Variants in SPTBN5 observed in about 807,000 individuals in gnomAD.
The protein encoded by SPTBN5 is spectrin beta chain, non-erythrocytic 5.
A neutral mutation model predicts 477.6 loss-of-function variants in SPTBN5; 513 were observed. The ratio of observed to expected loss-of-function variants is 1.07; its 90% CI spans 1.00 to 1.16. The LOEUF (loss-of-function observed/expected upper bound fraction) is 1.16, where lower values mean the gene tolerates loss of function less well. Ranked by LOEUF, SPTBN5 falls within the 50% of genes most tolerant of loss-of-function variation. The pLI is 0.00. For missense variants in SPTBN5, 5,062 were observed against 4,731.8 expected (o/e 1.07, Z -2.05); for synonymous variants, 2,169 against 2,011.7 (o/e 1.08, Z -2.09).
In SPTBN5 at chr15:41,868,100, C is replaced by T; in HGVS notation, c.6176G>A (p.Gly2059Asp). The change falls in exon 34 of 68, where the codon GGC (glycine) becomes GAC (aspartate). Residue 2059 changes from glycine (G) to aspartate (D), a missense_variant. Transcript: ENST00000320955. ...QQEQLFLREC[G>D]RLEEILAAQE... ...GGCCGCGAGGATCTCCTCCAGGCGG[C>T]CGCACTCTCTGAGGAAGAGCTGCTC... is the stretch of plus-strand genomic sequence containing the variant. 1 of 1,603,864 alleles carries T rather than the reference C, an allele frequency of 6.2e-7. No individual in the cohort carries two copies. Among genetic ancestry groups the T allele is most frequent in the Middle Eastern group, 2.0e-4 (1 of 5,098 alleles).
At chr15:41,864,340 G>A (rs1252838219) in intron 39 of SPTBN5, among the ~76,000 whole-genome samples, 4 of 152,020 alleles carry the variant, frequency 2.6e-5, no homozygotes, top group Admixed American at 1.3e-4. Context: ...CTCTTGAGAC[G>A]GAGTCTCCCT....
chr15:41,893,432 G>A lies in SPTBN5; in HGVS notation c.66C>T (p.Pro22=), dbSNP rs2067376025. ...TGGGCGGGACCCGGAGTTCTGTGCT[G>A]GGCCTCCTGCTGCGGTGCCCTGCAG... The part of the protein sequence containing the change: ...LGAAGHRSRR[P]STELRVPPSP... The change falls in exon 2 of 68, where the codon CCC becomes CCT. Residue 22 remains proline, a synonymous_variant. Transcript: ENST00000320955. 6.8e-6 allele frequency: 11 copies of A among 1,612,206 alleles called. No individual in the cohort carries two copies. The highest frequency in any genetic ancestry group is 1.7e-5 in the Admixed American group (1 of 59,946).
Position 41,870,237 on chromosome 15 carries a change from G to A in SPTBN5, c.5673+6C>T. On this transcript the variant is annotated splice_donor_region_variant and intron_variant, in intron 31 of 67. Transcript: ENST00000320955. ...CTGGGTCGGAGAGGCAGCCAGCTGG[G>A]CTCACCTGCCGCTCGGTGCCCACGA... 7 of 1,547,190 alleles carry A rather than the reference G, an allele frequency of 4.5e-6. No homozygotes were observed. The highest frequency in any genetic ancestry group is 6.1e-6 in the Non-Finnish European group (7 of 1,146,018).
At chr15:41,891,572 T>C (rs1361665627) in intron 3 of SPTBN5, among the ~76,000 whole-genome samples, 1 of 152,182 alleles carries the variant, frequency 6.6e-6, no homozygotes, top group African/African-American at 2.4e-5. Context: ...CGCCATAGGA[T>C]CAGCGAATAC....
chr15:41,882,243 AC>A, intron 11 of SPTBN5, 25 bp downstream of exon 11: 1 of 153,702 alleles, frequency 6.5e-6, no homozygotes, highest in Non-Finnish European at 8.9e-6. Flanking sequence ...CCCCGCCCCC[AC>A]CCCGCCTCCA....
chr15:41,851,471 G>T lies in SPTBN5; in HGVS notation c.10657-102C>A, dbSNP rs28626380. ...GTGTGTGGAGCTTCCCAGGAAAAGCGGTGGATTGGACCAAAGTCCCAATGG... is the reference window on the plus strand; with the variant it reads ...GTGTGTGGAGCTTCCCAGGAAAAGCTGTGGATTGGACCAAAGTCCCAATGG... On this transcript the variant is annotated intron_variant, in intron 63 of 67. Transcript: ENST00000320955. The T allele has an allele frequency of 0.01, 9,367 of 894,754 alleles. 628 individuals carry two copies. In the African/African-American group the frequency reaches 0.14, roughly 14 times the overall value. 55.4% of individuals were successfully genotyped at this position (894,754 alleles called of 1,614,324 possible). A position where few individuals can be genotyped will look rare whatever the true frequency, so the allele number is the denominator to read the frequency against.
In SPTBN5 at chr15:41,856,956, G is replaced by C. The variant is rs2065943914; in HGVS notation, c.8705C>G (p.Ala2902Gly). ...CTGCACCCAGGCCATTTCCTCGTCG[G>C]CGTCCCTGAAGAACTTCAAGAGGAG... Reference protein sequence around the residue: ...RSLLLKFFRDADEEMAWVQEK... With the variant: ...RSLLLKFFRDGDEEMAWVQEK... The change falls in exon 52 of 68, where the codon GCC becomes GGC. Residue 2902 changes from alanine to glycine, a missense_variant. Coordinates refer to ENST00000320955, the MANE Select transcript of SPTBN5 (RefSeq NM_016642.4). The C allele has an allele frequency of 6.3e-7, 1 of 1,592,468 alleles. No individual in the cohort carries two copies. Among genetic ancestry groups the C allele is most frequent in the Non-Finnish European group, 8.5e-7 (1 of 1,170,230 alleles).
In SPTBN5 at chr15:41,879,142, A is replaced by G. The variant is rs920456566; in HGVS notation, c.3182+118T>C. 2.4e-6 allele frequency: 3 copies of G among 1,240,112 alleles called. No individual in the cohort carries two copies. In the African/African-American group the frequency reaches 4.5e-5, roughly 19 times the overall value. The allele number at this position is 1,240,112 out of a possible 1,614,324, so 76.8% of individuals were successfully genotyped here. ...CTGATCATCCCCCCATCTTTGCCAC[A>G]GCCCTCCTACCTGTTGTCTCCCCAT... On this transcript the variant is annotated intron_variant, in intron 16 of 67. Coordinates refer to ENST00000320955, the MANE Select transcript of SPTBN5 (RefSeq NM_016642.4).
chr15:41,872,310 C>T lies in SPTBN5; in HGVS notation c.5157G>A (p.Ala1719=), dbSNP rs376418222. 72 of 1,610,280 alleles carry T rather than the reference C, an allele frequency of 4.5e-5. No homozygotes were observed. The highest frequency in any genetic ancestry group is 5.5e-5 in the South Asian group (5 of 90,866). The change falls in exon 27 of 68, where the codon GCG becomes GCA. Residue 1719 remains alanine (A), a synonymous_variant. Coordinates refer to ENST00000320955, the MANE Select transcript of SPTBN5 (RefSeq NM_016642.4). ...GGTTATGGTGTCCTCACCGTGTGGC[C>T]GCCAACTCCTGCAGTGCCCGCAGCT... ...REQLRALQEL[A]ATRDRELEGT...
Position 41,851,125 on chromosome 15 carries a change from TCAAGGAGGGC to T in SPTBN5, c.10759_10768del (p.Ala3587ThrfsTer22). The T allele has an allele frequency of 1.2e-6, 2 of 1,613,206 alleles. No homozygotes were observed. Among genetic ancestry groups the T allele is most frequent in the Non-Finnish European group, 1.7e-6 (2 of 1,179,806 alleles). On this transcript the variant is annotated frameshift_variant, in exon 65 of 68. Coordinates refer to ENST00000320955, the MANE Select transcript of SPTBN5 (RefSeq NM_016642.4). LOFTEE classifies it high-confidence loss of function. ...CCTCTCACACCGGGCTCCCGTGAGG[TCAAGGAGGGC>T]TATGGAAGCTACTTTCTGAGGAGAG...
chr15:41,866,993 AG>A lies in SPTBN5; in HGVS notation c.6445del (p.Leu2149CysfsTer2). ...GGCCTGGGTGAAGCTGGCCATCAGC[AG>A]GGAGGCATGCAGGGCGTGTCCCCGG... ...ESRGHALHAS[L>X]LMASFTQAAT... is the part of the protein sequence containing the mutation. On this transcript the variant is annotated frameshift_variant, in exon 36 of 68. Coordinates refer to ENST00000320955, the MANE Select transcript of SPTBN5 (RefSeq NM_016642.4). LOFTEE classifies it high-confidence loss of function. 6.4e-7 allele frequency: 1 copy of A among 1,570,238 alleles called. No homozygotes were observed. Among genetic ancestry groups the A allele is most frequent in the Non-Finnish European group, 8.6e-7 (1 of 1,158,054 alleles).
chr15:41,871,785 G>A lies in SPTBN5; in HGVS notation c.5298C>T (p.Ala1766=), dbSNP rs940792663. The change falls in exon 28 of 68, where the codon GCC becomes GCT. Residue 1766 remains alanine (A), a synonymous_variant. Coordinates refer to ENST00000320955, the MANE Select transcript of SPTBN5 (RefSeq NM_016642.4). ...TTGACCCTGGCCCTCTTCTCACCAG[G>A]GCGTGCTCGGGGTCCTCTCCCAGGC... ...GESLGEDPEH[A]LHLCTKFAKF... is the part of the protein sequence containing the mutation. The A allele has an allele frequency of 1.9e-6, 3 of 1,583,810 alleles. No homozygotes were observed. The highest frequency in any genetic ancestry group is 1.7e-6 in the Non-Finnish European group (2 of 1,164,712).
intron 21 of SPTBN5, 103 bp downstream of exon 21, chr15:41,876,011 G>A: frequency 2.8e-6 from 4 of 1,411,154 alleles, no homozygotes; most frequent in Non-Finnish European, 3.8e-6. Flanking sequence ...TCACGCTGAG[G>A]CTGATTTTTC....
In SPTBN5 at chr15:41,870,459, A is replaced by G; in HGVS notation, c.5549T>C (p.Leu1850Pro). 6.2e-7 allele frequency: 1 copy of G among 1,613,254 alleles called. No homozygotes were observed. Among genetic ancestry groups the G allele is most frequent in the Non-Finnish European group, 8.5e-7 (1 of 1,179,756 alleles). ...LRVHRDLLEV[L>P]TQVQEKATSL... ...TCCGGCTCACACCTGGACCTGGGTGAGGACTTCCAAGAGATCTCTGTGAAC... is the reference window on the plus strand; with the variant it reads ...TCCGGCTCACACCTGGACCTGGGTGGGGACTTCCAAGAGATCTCTGTGAAC... Residue 1850 changes from leucine to proline, a missense_variant, in exon 30 of 68, where the codon CTC becomes CCC. Leu to Pro is a moderately conservative substitution (Grantham distance 98). Coordinates refer to ENST00000320955, the MANE Select transcript of SPTBN5 (RefSeq NM_016642.4).
In SPTBN5 at chr15:41,876,211, G is replaced by T; in HGVS notation, c.4025C>A (p.Ser1342Tyr). 1 of 1,604,868 alleles carries T rather than the reference G, an allele frequency of 6.2e-7. No homozygotes were observed. Residue 1342 changes from serine to tyrosine, a missense_variant, in exon 21 of 68, where the codon TCC becomes TAC. Ser to Tyr is a moderately radical substitution (Grantham distance 144). Transcript: ENST00000320955. The part of the protein sequence containing the change: ...EKGLMAAHEP[S>Y]GARRNILQTL... ...CTGCAGGATGTTTCTGCGCGCTCCG[G>T]AGGGCTCATGCGCAGCCATCAGCCC...
chr15:41,849,269 G>A (rs2065665822), intron 67 of SPTBN5, among the ~76,000 whole-genome samples: 1 of 152,192 alleles, frequency 6.6e-6, no homozygotes, highest in Non-Finnish European at 1.5e-5. Flanking sequence ...GATCTACAAG[G>A]AGGGACTGAG....
In SPTBN5 at chr15:41,878,460, C is replaced by T. The variant is rs747539042; in HGVS notation, c.3352G>A (p.Ala1118Thr). ...CGCAGCTGAGCCTGGACACTCTCTG[C>T]CCACAGTAGCAGTTGCTGGCTCTCT... is the stretch of plus-strand genomic sequence containing the variant. Reference protein sequence around the residue: ...LQESQQLLLWAESVQAQLRSK... With the variant: ...LQESQQLLLWTESVQAQLRSK... Residue 1118 changes from alanine to threonine, a missense_variant, in exon 17 of 68, where the codon GCA becomes ACA. Ala to Thr is a moderately conservative substitution (Grantham distance 58). Coordinates refer to ENST00000320955, the MANE Select transcript of SPTBN5 (RefSeq NM_016642.4). The T allele has an allele frequency of 2.5e-6, 4 of 1,613,512 alleles. No homozygotes were observed. In the African/African-American group the frequency reaches 5.3e-5, roughly 22 times the overall value.
Position 41,862,172 on chromosome 15 carries a change from A to G in SPTBN5, c.7506T>C (p.Pro2502=), listed in dbSNP as rs751502486. The change falls in exon 44 of 68, where the codon CCT becomes CCC. Residue 2502 remains proline, a synonymous_variant. Coordinates refer to ENST00000320955, the MANE Select transcript of SPTBN5 (RefSeq NM_016642.4). ...CTTCTAACATACGCCGGGCTTCCACAGGGCTGCGAGGAGCGGGGCTCGTGT... is the reference window on the plus strand; with the variant it reads ...CTTCTAACATACGCCGGGCTTCCACGGGGCTGCGAGGAGCGGGGCTCGTGT... ...QMDTSPAPRS[P]VEARRMLEEH... is the part of the protein sequence containing the mutation. 2.5e-6 allele frequency: 4 copies of G among 1,603,258 alleles called. No individual in the cohort carries two copies. In the South Asian group the frequency reaches 4.4e-5, roughly 18 times the overall value.
Position 41,848,268 on chromosome 15 carries a change from T to TTCTC in SPTBN5, c.*344_*347dup. The TTCTC allele has an allele frequency of 2.0e-6, 1 of 501,054 alleles. No individual in the cohort carries two copies. Among genetic ancestry groups the TTCTC allele is most frequent in the Middle Eastern group, 5.5e-4 (1 of 1,812 alleles). The allele number at this position is 501,054 out of a possible 1,614,324, so 31.0% of individuals were successfully genotyped here. A position where few individuals can be genotyped will look rare whatever the true frequency, so the allele number is the denominator to read the frequency against. ...CAGTGTTCTTCCTCCGAAGAGCACA[T>TTCTC]TCTCTGCACACGTCTGCGTCTACCT... On this transcript the variant is annotated 3_prime_UTR_variant, in exon 68 of 68. Coordinates refer to ENST00000320955, the MANE Select transcript of SPTBN5 (RefSeq NM_016642.4).
Sources: gnomAD v4.1 joint callset for allele counts (sites outside exome capture counted in the v4.1 genomes callset) on GRCh38, gnomAD v4.1.1 for gene constraint, MANE v1.5 for transcripts, NCBI Gene and HGNC (gene_info 2026-07-23, HGNC 2026-07-21) for gene names.